Variants in LYPD6B observed in about 807,000 individuals in gnomAD.
The protein encoded by LYPD6B is LY6/PLAUR domain containing 6B, also known as ly6/PLAUR domain-containing protein 6B.
In LYPD6B, 17 loss-of-function variants were observed where a neutral mutation model predicts 22.8. The ratio of observed to expected loss-of-function variants is 0.75; its 90% confidence interval spans 0.51 to 1.12. The LOEUF is 1.12. LYPD6B is among the 50% of genes most tolerant of loss of function. The pLI is 0.00. For synonymous variants in LYPD6B, 106 were observed against 91.6 expected (o/e 1.16, Z -0.90); for missense variants, 221 against 258.3 (o/e 0.86, Z 0.99).
At chr2:149,170,529 A>G (rs1364737894) in intron 3 of LYPD6B, among the ~76,000 whole-genome samples, 1 of 152,220 alleles carries the variant, frequency 6.6e-6, no homozygotes, top group Non-Finnish European at 1.5e-5. Context: ...GGGTAGTTAT[A>G]GAAATCAATA....
chr2:149,180,743 C>T (rs1691661258), intron 3 of LYPD6B, among the ~76,000 whole-genome samples: 1 of 152,226 alleles, frequency 6.6e-6, no homozygotes, highest in East Asian at 1.9e-4. Flanking sequence ...GTGTGCTGTC[C>T]TGGTTAGGAC....
intron 1 of LYPD6B, among the ~76,000 whole-genome samples, chr2:149,091,675 A>C (rs1685659221): frequency 2.0e-5 from 3 of 151,956 alleles, no homozygotes; most frequent in South Asian, 2.1e-4. Context: ...AGTATACTAC[A>C]GTCCAGTTTA....
At chr2:149,177,838 T>G (rs1691426974) in intron 3 of LYPD6B, among the ~76,000 whole-genome samples, 2 of 150,440 alleles carry the variant, frequency 1.3e-5, no homozygotes. Flanking sequence ...TGCAAGAGTT[T>G]TTTTTTTTTT....
chr2:149,165,385 C>A (rs1690355794), intron 3 of LYPD6B, among the ~76,000 whole-genome samples: 1 of 152,094 alleles, frequency 6.6e-6, no homozygotes, highest in Non-Finnish European at 1.5e-5. Context: ...AGGCTCTTAA[C>A]TTTGTTATAA....
chr2:149,122,817 A>C (rs1687460232), intron 1 of LYPD6B, among the ~76,000 whole-genome samples: 1 of 152,052 alleles, frequency 6.6e-6, no homozygotes, highest in Non-Finnish European at 1.5e-5. Context: ...ACAGATTTTC[A>C]CATGTTGCTT....
intron 1 of LYPD6B, among the ~76,000 whole-genome samples, chr2:149,055,585 C>G (rs536590341): frequency 6.6e-6 from 1 of 152,302 alleles, no homozygotes; most frequent in South Asian, 2.1e-4. Flanking sequence ...TTTCTGCTTA[C>G]AAGTTATGCA....
intron 2 of LYPD6B, among the ~76,000 whole-genome samples, chr2:149,136,121 G>T (rs1297971611): frequency 1.3e-5 from 2 of 152,144 alleles, no homozygotes; most frequent in African/African-American, 4.8e-5. Flanking sequence ...CTAGAAGAAT[G>T]AATTAGTTAT....
chr2:149,135,360 G>C (rs1292967081), intron 2 of LYPD6B, among the ~76,000 whole-genome samples: 2 of 151,578 alleles, frequency 1.3e-5, no homozygotes, highest in African/African-American at 4.9e-5. Context: ...ATTCCTTTAG[G>C]TTAAAAGGAT....
intron 1 of LYPD6B, among the ~76,000 whole-genome samples, chr2:149,067,301 T>C (rs1684380138): frequency 6.6e-6 from 1 of 152,184 alleles, no homozygotes; most frequent in African/African-American, 2.4e-5. Flanking sequence ...TTTTTCCTGA[T>C]CATATTTTAT....
chr2:149,207,487 T>C (rs1693572388), intron 4 of LYPD6B, among the ~76,000 whole-genome samples: 1 of 151,984 alleles, frequency 6.6e-6, no homozygotes. Context: ...ATTTTTTTCT[T>C]CTTGTCCGCT....
intron 1 of LYPD6B, among the ~76,000 whole-genome samples, chr2:149,098,579 A>T (rs1335740955): frequency 1.4e-5 from 2 of 145,556 alleles, no homozygotes; most frequent in Non-Finnish European, 3.0e-5. Context: ...GTGAGCTGAG[A>T]TCGTGCCATT....
chr2:149,212,018 A>T (rs1256993760), intron 5 of LYPD6B, among the ~76,000 whole-genome samples: 1 of 152,120 alleles, frequency 6.6e-6, no homozygotes, highest in Admixed American at 6.5e-5. Context: ...AGGAGGAAAA[A>T]AAATGGAAAT....
chr2:149,164,053 G>T (rs150986772), intron 3 of LYPD6B, among the ~76,000 whole-genome samples: 25 of 152,210 alleles, frequency 1.6e-4, no homozygotes, highest in African/African-American at 5.5e-4. Context: ...CAGAAGAATA[G>T]ATCGGAGATA....
At chr2:149,057,140 G>A (rs1390759821) in intron 1 of LYPD6B, among the ~76,000 whole-genome samples, 1 of 151,948 alleles carries the variant, frequency 6.6e-6, no homozygotes, top group Non-Finnish European at 1.5e-5. Flanking sequence ...AGACTCGTAT[G>A]ACTCATGTAT....
At chr2:149,115,049 C>T (rs531449186) in intron 1 of LYPD6B, among the ~76,000 whole-genome samples, 1 of 152,280 alleles carries the variant, frequency 6.6e-6, no homozygotes, top group African/African-American at 2.4e-5. Context: ...ATTGATTCTC[C>T]TGCCTCAGCC....
Position 149,108,424 on chromosome 2 carries a change from A to T in LYPD6B, c.-66-22459A>T, listed in dbSNP as rs148656219. ...GTTCATAAATGTTTAGGATTGTTAT[A>T]TCCTCTTTATCTTTATGAAATGGCT... is the stretch of plus-strand genomic sequence containing the variant. On this transcript the variant is annotated intron_variant, in intron 1 of 6. Transcript: ENST00000409642. Among the ~76,000 whole-genome samples the T allele has an allele frequency of 3.7e-4, 57 of 152,304 alleles. No individual in the cohort carries two copies. In the East Asian group the frequency reaches 0.01, roughly 27 times the overall value.
At chr2:149,133,928 T>A (rs901650876) in intron 2 of LYPD6B, among the ~76,000 whole-genome samples, 1 of 152,064 alleles carries the variant, frequency 6.6e-6, no homozygotes, top group South Asian at 2.1e-4. Context: ...ATATGTTATA[T>A]TGAGGGGAGA....
intron 1 of LYPD6B, among the ~76,000 whole-genome samples, chr2:149,076,927 G>A (rs1684904816): frequency 6.6e-6 from 1 of 152,136 alleles, no homozygotes; most frequent in African/African-American, 2.4e-5. Context: ...AGATGTGCTG[G>A]GGTTAGAGTT....
intron 2 of LYPD6B, among the ~76,000 whole-genome samples, chr2:149,151,583 G>T (rs1170684188): frequency 6.6e-6 from 1 of 152,158 alleles, no homozygotes; most frequent in Non-Finnish European, 1.5e-5. Flanking sequence ...AAGATTCACC[G>T]CTGCCTTTTT....
Sources: gnomAD v4.1 joint callset for allele counts (sites outside exome capture counted in the v4.1 genomes callset) on GRCh38, gnomAD v4.1.1 for gene constraint, MANE v1.5 for transcripts, NCBI Gene and HGNC (gene_info 2026-07-23, HGNC 2026-07-21) for gene names.